Variants in TBC1D19 observed in about 807,000 individuals in gnomAD.
TBC1D19 encodes TBC1 domain family, member 19.
TBC1D19 carries 60 observed loss-of-function variants against 89.0 expected under a neutral mutation model. That is an observed-to-expected ratio of 0.67 (90% confidence interval 0.55 to 0.84). The LOEUF is 0.84. Among genes scored for constraint, TBC1D19 ranks in the 40% least tolerant of loss-of-function variants. The probability of loss-of-function intolerance (pLI) is 0.00; values close to 1 mark genes in which losing one functional copy is unlikely to be tolerated. For synonymous variants in TBC1D19, 189 were observed against 199.7 expected, an observed-to-expected ratio of 0.95 and a Z score of 0.45; for missense variants, 500 against 610.8, an observed-to-expected ratio of 0.82 and a Z score of 1.91.
At chr4:26,640,816 C>G (rs1743450231) in intron 7 of TBC1D19, among the ~76,000 whole-genome samples, 1 of 152,182 alleles carries the variant, frequency 6.6e-6, no homozygotes, top group African/African-American at 2.4e-5. Context: ...AGTCCGAGAT[C>G]AAACTATGAG....
chr4:26,758,016 C>T (rs1719334466), downstream of TBC1D19, among the ~76,000 whole-genome samples: 1 of 152,164 alleles, frequency 6.6e-6, no homozygotes, highest in Non-Finnish European at 1.5e-5. Flanking sequence ...CATGCTGATT[C>T]TCAACCAGAT....
upstream of TBC1D19, among the ~76,000 whole-genome samples, chr4:26,580,901 C>T (rs1391716858): frequency 6.6e-6 from 1 of 152,148 alleles, no homozygotes; most frequent in African/African-American, 2.4e-5. Flanking sequence ...CTCTGCCCCT[C>T]CCCAGTAAAA....
chr4:26,583,233 T>C (rs1739180764), upstream of TBC1D19, among the ~76,000 whole-genome samples: 1 of 152,176 alleles, frequency 6.6e-6, no homozygotes, highest in Non-Finnish European at 1.5e-5. Flanking sequence ...CGTTGGCCTT[T>C]GGGGATGTCA....
intron 13 of TBC1D19, among the ~76,000 whole-genome samples, chr4:26,707,441 T>A (rs1382334662): frequency 6.6e-6 from 1 of 152,082 alleles, no homozygotes; most frequent in Admixed American, 6.6e-5. Flanking sequence ...CTAAAATGAA[T>A]CTCTTATAGA....
At chr4:26,826,473 T>A in the TBC1D19 span, among the ~76,000 whole-genome samples, 1 of 152,198 alleles carries the variant, frequency 6.6e-6, no homozygotes, top group African/African-American at 2.4e-5. Flanking sequence ...AAAATAAGTG[T>A]CATTATTACT....
At chr4:26,602,394 T>C (rs1055597154) in intron 1 of TBC1D19, among the ~76,000 whole-genome samples, 10 of 151,892 alleles carry the variant, frequency 6.6e-5, no homozygotes, top group African/African-American at 2.4e-4. Flanking sequence ...TGCTGGTGAC[T>C]TAAACCATAT....
At chr4:26,691,868 G>A (rs1260840346) in intron 13 of TBC1D19, among the ~76,000 whole-genome samples, 3 of 152,148 alleles carry the variant, frequency 2.0e-5, no homozygotes, top group African/African-American at 4.8e-5. Flanking sequence ...GAAATACAGA[G>A]TGGAAATTAT....
At chr4:26,802,603 AAAAC>A in the TBC1D19 span, among the ~76,000 whole-genome samples, 7 of 152,198 alleles carry the variant, frequency 4.6e-5, no homozygotes, top group African/African-American at 7.2e-5. Flanking sequence ...CCCTGTGTCA[AAAAC>A]AAACAAACAA....
the TBC1D19 span, among the ~76,000 whole-genome samples, chr4:26,797,577 G>A: frequency 5.9e-5 from 9 of 152,064 alleles, no homozygotes; most frequent in African/African-American, 2.2e-4. Flanking sequence ...AAAAGAGCCC[G>A]AATAGCCAAA....
Position 26,755,023 on chromosome 4 carries a change from A to G in TBC1D19, c.*76A>G. Reference sequence around the variant, plus strand: ...CATGAACTATGCAAACTCTGCATAAAACCAAAATGAAACTTTGCATATAAG... The same window carrying G: ...CATGAACTATGCAAACTCTGCATAAGACCAAAATGAAACTTTGCATATAAG... On this transcript the variant is annotated 3_prime_UTR_variant, in exon 21 of 21. Transcript: ENST00000264866. 2 of 1,326,580 alleles carry G rather than the reference A, an allele frequency of 1.5e-6. No individual in the cohort carries two copies. Among genetic ancestry groups the G allele is most frequent in the Non-Finnish European group, 2.1e-6 (2 of 972,020 alleles). The allele number at this position is 1,326,580 out of a possible 1,614,324, so 82.2% of individuals were successfully genotyped here. A position where few individuals can be genotyped will look rare whatever the true frequency, so the allele number is the denominator to read the frequency against.
At chr4:26,577,578 C>G (rs1011608810) in intron 1 of TBC1D19, among the ~76,000 whole-genome samples, 2 of 152,152 alleles carry the variant, frequency 1.3e-5, no homozygotes, top group African/African-American at 4.8e-5. Flanking sequence ...TGGGTTCCCC[C>G]AGAAGCAGAT....
At chr4:26,727,660 C>A (rs890544123) in intron 15 of TBC1D19, among the ~76,000 whole-genome samples, 1 of 152,152 alleles carries the variant, frequency 6.6e-6, no homozygotes, top group Non-Finnish European at 1.5e-5. Flanking sequence ...AGCAAGGGTT[C>A]GTAACTTGCC....
intron 4 of TBC1D19, among the ~76,000 whole-genome samples, chr4:26,626,962 A>C (rs1255461838): frequency 6.6e-6 from 1 of 150,596 alleles, no homozygotes; most frequent in Admixed American, 6.6e-5. Flanking sequence ...ATATGTATAC[A>C]TGTGCCATGC....
chr4:26,831,224 T>C, the TBC1D19 span, among the ~76,000 whole-genome samples: 7 of 152,216 alleles, frequency 4.6e-5, no homozygotes, highest in East Asian at 1.3e-3. Context: ...GCAGATGCTA[T>C]GTCTCCATTT....
chr4:26,838,559 A>G, the TBC1D19 span, among the ~76,000 whole-genome samples: 1 of 152,256 alleles, frequency 6.6e-6, no homozygotes. Context: ...ACACCAACAC[A>G]GTATATATGT....
chr4:26,649,986 G>GT (rs1216883144), intron 7 of TBC1D19, among the ~76,000 whole-genome samples: 2 of 151,936 alleles, frequency 1.3e-5, no homozygotes, highest in African/African-American at 4.8e-5. Flanking sequence ...CCTTGCGATA[G>GT]TTTGCTGAGA....
At chr4:26,810,018 G>A in the TBC1D19 span, among the ~76,000 whole-genome samples, 5 of 152,240 alleles carry the variant, frequency 3.3e-5, no homozygotes, top group East Asian at 9.6e-4. Flanking sequence ...CTGCCTGTGT[G>A]TTCTCTCCAG....
At chr4:26,634,322 A>C (rs1442188974) in intron 4 of TBC1D19, among the ~76,000 whole-genome samples, 2 of 152,078 alleles carry the variant, frequency 1.3e-5, no homozygotes, top group Non-Finnish European at 2.9e-5. Flanking sequence ...TATGGGTCCC[A>C]TGGCATTATT....
Position 26,712,248 on chromosome 4 carries a change from G to C in TBC1D19, c.955-5685G>C, listed in dbSNP as rs78710381. ...GTTTATTATTGCTGCCATAAATTTA[G>C]TTGAGTTTGAAATTGGTTTCATTGG... is the stretch of plus-strand genomic sequence containing the variant. On this transcript the variant is annotated intron_variant, in intron 13 of 20. Coordinates refer to ENST00000264866, the MANE Select transcript of TBC1D19 (RefSeq NM_018317.4). Among the ~76,000 whole-genome samples the C allele has an allele frequency of 6.4e-3, 977 of 152,168 alleles. 9 individuals are homozygous for C. The highest frequency in any genetic ancestry group is 0.023 in the African/African-American group (936 of 41,524).
Sources: gnomAD v4.1 joint callset for allele counts (sites outside exome capture counted in the v4.1 genomes callset) on GRCh38, gnomAD v4.1.1 for gene constraint, MANE v1.5 for transcripts, NCBI Gene and HGNC (gene_info 2026-07-23, HGNC 2026-07-21) for gene names.